The following ABR variants were observed in gnomAD, a reference collection of about 807,000 sequenced individuals.
ABR encodes the protein ABR activator of RhoGEF and GTPase, also known as active breakpoint cluster region-related protein.
A neutral mutation model predicts 107.2 loss-of-function variants in ABR; 35 were observed. That is an observed-to-expected ratio of 0.33 (90% CI 0.25 to 0.43). The LOEUF (loss-of-function observed/expected upper bound fraction) is 0.43. Among genes scored for constraint, ABR ranks in the 20% least tolerant of loss-of-function variants. The pLI is 1.00. For synonymous variants in ABR, 498 were observed against 462.0 expected, an observed-to-expected ratio of 1.08 and a Z score of -1.00; for missense variants, 815 against 1,115.2, an observed-to-expected ratio of 0.73 and a Z score of 3.83.
At chr17:1,203,247 T>TG (rs2042705287) in intron 1 of ABR, among the ~76,000 whole-genome samples, 1 of 151,108 alleles carries the variant, frequency 6.6e-6, no homozygotes, top group Admixed American at 6.6e-5. Context: ...GGAGACTCCT[T>TG]GGAAGGGGCT....
intron 1 of ABR, among the ~76,000 whole-genome samples, chr17:1,170,900 C>T (rs1037418209): frequency 7.9e-5 from 12 of 152,168 alleles, no homozygotes; most frequent in Non-Finnish European, 8.8e-5. Context: ...AAAGAGGCTC[C>T]CGTGGGCGCC....
chr17:1,156,365 T>C (rs1490873997), intron 1 of ABR, among the ~76,000 whole-genome samples: 1 of 151,884 alleles, frequency 6.6e-6, no homozygotes, highest in Non-Finnish European at 1.5e-5. Context: ...AGGCCTCTCC[T>C]GAGTTCCTGG....
chr17:1,110,278 C>G (rs2038591966), intron 2 of ABR, among the ~76,000 whole-genome samples: 1 of 151,908 alleles, frequency 6.6e-6, no homozygotes, highest in Admixed American at 6.6e-5. Context: ...GAGGAGGAGT[C>G]CAGAGGAGGC....
At chr17:1,077,136 T>A (rs2035802734) in intron 6 of ABR, among the ~76,000 whole-genome samples, 1 of 152,154 alleles carries the variant, frequency 6.6e-6, no homozygotes, top group Non-Finnish European at 1.5e-5. Flanking sequence ...GCTGGGTAGA[T>A]CCACCCGCAC....
At chr17:1,224,309 C>T (rs1480291743) in intron 1 of ABR, among the ~76,000 whole-genome samples, 46 of 152,146 alleles carry the variant, frequency 3.0e-4, no homozygotes, top group Admixed American at 3.0e-3. Flanking sequence ...GGCAGACTAA[C>T]TTATTTACAC....
chr17:1,133,192 A>C (rs2039920794), intron 1 of ABR, among the ~76,000 whole-genome samples: 2 of 152,112 alleles, frequency 1.3e-5, no homozygotes, highest in African/African-American at 4.8e-5. Flanking sequence ...CGGTGAGCCA[A>C]GATCACAACA....
At chr17:1,149,290 C>T (rs1209138656) in intron 1 of ABR, among the ~76,000 whole-genome samples, 1 of 151,644 alleles carries the variant, frequency 6.6e-6, no homozygotes, top group Non-Finnish European at 1.5e-5. Context: ...GGGACAGAGA[C>T]CCCCCCATGG....
At chr17:1,052,208 G>A (rs2032641571) in intron 14 of ABR, among the ~76,000 whole-genome samples, 1 of 151,862 alleles carries the variant, frequency 6.6e-6, no homozygotes, top group South Asian at 2.1e-4. Flanking sequence ...GGGATTTGCA[G>A]GTGAACAACA....
chr17:1,199,367 G>T (rs547700589), intron 1 of ABR, among the ~76,000 whole-genome samples: 1 of 151,044 alleles, frequency 6.6e-6, no homozygotes, highest in African/African-American at 2.5e-5. Flanking sequence ...GAGGCCACAC[G>T]GAAGGTACAA....
At chr17:1,098,306 T>A (rs1203579900) in intron 3 of ABR, among the ~76,000 whole-genome samples, 1 of 151,978 alleles carries the variant, frequency 6.6e-6, no homozygotes, top group Non-Finnish European at 1.5e-5. Flanking sequence ...CTGGATCTCC[T>A]GACCTTGTGA....
intron 16 of ABR, among the ~76,000 whole-genome samples, chr17:1,014,782 G>C (rs1039366950): frequency 2.0e-5 from 3 of 150,392 alleles, no homozygotes; most frequent in Non-Finnish European, 4.4e-5. Context: ...GTAGGTGGAG[G>C]TTGCAGTGAG....
intron 1 of ABR, among the ~76,000 whole-genome samples, chr17:1,127,864 C>T (rs936095638): frequency 6.6e-6 from 1 of 152,218 alleles, no homozygotes; most frequent in Non-Finnish European, 1.5e-5. Flanking sequence ...CAGAGGACCA[C>T]GGGCCCTGCC....
At chr17:1,091,635 G>T in intron 4 of ABR, 30 bp downstream of exon 4, 1 of 1,602,294 alleles carries the variant, frequency 6.2e-7, no homozygotes, top group Non-Finnish European at 8.5e-7. Flanking sequence ...GAGGCCCTGC[G>T]TGAGGACCCT....
intron 1 of ABR, among the ~76,000 whole-genome samples, chr17:1,159,473 A>G (rs78592643): frequency 0.016 from 635 of 39,632 alleles, 43 homozygotes; most frequent in East Asian, 0.03. Flanking sequence ...GTAAGAATGC[A>G]GTACTCACGC....
Position 1,085,437 on chromosome 17 carries a change from C to T in ABR, c.532-1810G>A, listed in dbSNP as rs1173580557. Among the ~76,000 whole-genome samples, 6 of 152,164 alleles carry T rather than the reference C, an allele frequency of 3.9e-5. No individual in the cohort carries two copies. In the East Asian group the frequency reaches 7.7e-4, roughly 20 times the overall value. On this transcript the variant is annotated intron_variant, in intron 4 of 22. Transcript: ENST00000302538. The stretch of plus-strand genomic sequence containing the variant: ...GGCCAATTTAAACTCTTAGACTACT[C>T]GGGGAAGTGTAAATTAGTACAATTA...
At chr17:1,089,101 T>C (rs2036841483) in intron 4 of ABR, among the ~76,000 whole-genome samples, 1 of 152,074 alleles carries the variant, frequency 6.6e-6, no homozygotes, top group African/African-American at 2.4e-5. Context: ...TTCCACCATG[T>C]AGGCCAGGCT....
At chr17:1,073,841 C>T (rs560364840) in intron 6 of ABR, among the ~76,000 whole-genome samples, 164 bp from the exon 7 acceptor site, 1 of 152,084 alleles carries the variant, frequency 6.6e-6, no homozygotes, top group East Asian at 1.9e-4. Context: ...TCTCACTCCC[C>T]GGGCCGACCA....
chr17:1,171,890 A>G (rs2041726059), intron 1 of ABR, among the ~76,000 whole-genome samples: 1 of 152,172 alleles, frequency 6.6e-6, no homozygotes. Context: ...AGATCGCACC[A>G]CTGCACTCCA....
chr17:1,131,938 CCT>C (rs1429586816), intron 1 of ABR, among the ~76,000 whole-genome samples: 3 of 38,594 alleles, frequency 7.8e-5, no homozygotes, highest in Admixed American at 2.5e-4. Context: ...ACAGCTCCCC[CCT>C]CTTTGCACAC....
Sources: allele counts gnomAD v4.1 joint callset (sites outside exome capture counted in the v4.1 genomes callset), GRCh38; gene constraint gnomAD v4.1.1; transcripts MANE v1.5; gene names NCBI Gene and HGNC (gene_info 2026-07-23, HGNC 2026-07-21).